IQCF1: variants seen among roughly 807,000 people sequenced by gnomAD.
The protein encoded by IQCF1 is IQ motif containing F1.
In IQCF1, 9 loss-of-function variants were observed where a neutral mutation model predicts 12.5. The ratio of observed to expected loss-of-function variants is 0.72; its 90% CI spans 0.43 to 1.26. IQCF1 has a LOEUF of 1.26. IQCF1 is among the 50% of genes most tolerant of loss of function. IQCF1 has a pLI of 0.00. For missense variants in IQCF1, 252 were observed against 257.4 expected (o/e 0.98, Z 0.14); for synonymous variants, 67 against 96.2 (o/e 0.70, Z 1.78).
rs1698995955 is a variant in IQCF1 at position 51,895,759 on chromosome 3, C to T, written c.172-423G>A. Among the ~76,000 whole-genome samples, 1 of 152,192 alleles carries T rather than the reference C, an allele frequency of 6.6e-6. No homozygotes were observed. ...GGCCCTGCCTTCTCATCCCTGACAA[C>T]CGTTCATAGCCACAGCCTGTTCTCT... On this transcript the variant is annotated intron_variant, in intron 3 of 3. Coordinates refer to ENST00000310914, the MANE Select transcript of IQCF1 (RefSeq NM_152397.3). The surrounding 1 kb of genome is among the most constrained non-coding windows in gnomAD (Gnocchi z 4.8).
Position 51,903,067 on chromosome 3 carries a change from G to T in IQCF1, c.26C>A (p.Thr9Lys), listed in dbSNP as rs145799557. Residue 9 changes from threonine to lysine, a missense_variant, in exon 2 of 4, where the codon ACG becomes AAG. Physicochemically the swap from Thr to Lys is moderately conservative, Grantham distance 78. Coordinates refer to ENST00000310914, the MANE Select transcript of IQCF1 (RefSeq NM_152397.3). ...CTCATCTTCTTTTGAGGGTTCCTTC[G>T]TCTTTTGGGGCTGCTTCTCCTCCTG... Reference protein sequence around the residue: MEEKQPQKTKEPSKEDEPQ... With the variant: MEEKQPQKKKEPSKEDEPQ... 2.5e-6 allele frequency: 4 copies of T among 1,613,942 alleles called. No homozygotes were observed. The highest frequency in any genetic ancestry group is 3.4e-6 in the Non-Finnish European group (4 of 1,180,014).
chr3:51,896,707 A>ACG (rs1699007660), intron 3 of IQCF1, 125 bp downstream of exon 3: 1 of 734,044 alleles, frequency 1.4e-6, no homozygotes, highest in Non-Finnish European at 2.5e-6. Flanking sequence ...ACACACACAC[A>ACG]CACACGCACA....
At chr3:51,901,818 C>G (rs1024251112) in intron 2 of IQCF1, among the ~76,000 whole-genome samples, 1 of 152,100 alleles carries the variant, frequency 6.6e-6, no homozygotes, top group Admixed American at 6.5e-5. Flanking sequence ...CAACCAACAG[C>G]GATTTATTAA....
intron 3 of IQCF1, among the ~76,000 whole-genome samples, chr3:51,896,278 G>C (rs983857235): frequency 8.5e-5 from 13 of 152,178 alleles, no homozygotes; most frequent in Non-Finnish European, 1.8e-4. Flanking sequence ...TCAGTCAAAA[G>C]ATGTATAAAT....
In IQCF1 at chr3:51,902,713, G is replaced by A. The variant is rs557320217; in HGVS notation, c.108+272C>T. On this transcript the variant is annotated intron_variant, in intron 2 of 3. Coordinates refer to ENST00000310914, the MANE Select transcript of IQCF1 (RefSeq NM_152397.3). ...GTGTGGTCTAACCCTAGCCAATAGG[G>A]GAATGACACAGCAGCAGGGGCCACG... The A allele has an allele frequency of 4.7e-5, 19 of 408,022 alleles. No homozygotes were observed. The East Asian group carries it at 1.1e-3, about 23-fold the overall frequency. 25.3% of individuals were successfully genotyped at this position (408,022 alleles called of 1,614,324 possible). A position where few individuals can be genotyped will look rare whatever the true frequency, so the allele number is the denominator to read the frequency against.
rs1324648723 is a variant in IQCF1 at position 51,895,242 on chromosome 3, AACAGTGCCCG to A, written c.256_265del (p.Arg86CysfsTer16). On this transcript the variant is annotated frameshift_variant, in exon 4 of 4. Transcript: ENST00000310914. LOFTEE classifies it low-confidence loss of function (END_TRUNC). This position sits in a 1 kb window ranked among gnomAD's most constrained non-coding sequence, Gnocchi z 4.8. ...GATGCAGGCACTGAGGGCTGCGTGC[AACAGTGCCCG>A]ACGCACCAGGGTGCCCCGCCACCAG... is the stretch of plus-strand genomic sequence containing the variant. 6.2e-7 allele frequency: 1 copy of A among 1,614,152 alleles called. No individual in the cohort carries two copies.
chr3:51,901,731 A>G (rs1699077804), intron 2 of IQCF1, among the ~76,000 whole-genome samples: 1 of 152,266 alleles, frequency 6.6e-6, no homozygotes, highest in African/African-American at 2.4e-5. Flanking sequence ...CTAAAATCAA[A>G]TAGCTGCAGG....
chr3:51,895,298 CG>C lies in IQCF1; in HGVS notation c.209del (p.Thr70ArgfsTer2). Reference protein sequence around the residue: ...ENQKKLSDKDTVATKIQAWWR... With the variant: ...ENQKKLSDKDXVATKIQAWWR... Reference sequence around the variant, plus strand: ...ACCAGGCCTGGATCTTGGTGGCTACCGTATCTTTGTCAGAGAGCTTCTTTTG... The same window carrying C: ...ACCAGGCCTGGATCTTGGTGGCTACCTATCTTTGTCAGAGAGCTTCTTTTG... On this transcript the variant is annotated frameshift_variant, in exon 4 of 4. Transcript: ENST00000310914. LOFTEE classifies it low-confidence loss of function (END_TRUNC). This position sits in a 1 kb window ranked among gnomAD's most constrained non-coding sequence, Gnocchi z 4.8. 1 of 1,613,336 alleles carries C rather than the reference CG, an allele frequency of 6.2e-7. No homozygotes were observed. Among genetic ancestry groups the C allele is most frequent in the Non-Finnish European group, 8.5e-7 (1 of 1,179,672 alleles).
intron 2 of IQCF1, among the ~76,000 whole-genome samples, chr3:51,898,228 G>C (rs1699034557): frequency 7.2e-6 from 1 of 138,956 alleles, no homozygotes; most frequent in Admixed American, 7.7e-5. Flanking sequence ...AAGAGAGAGA[G>C]AAAGAGACAG....
At chr3:51,898,833 T>C (rs1699043867) in intron 2 of IQCF1, among the ~76,000 whole-genome samples, 1 of 152,058 alleles carries the variant, frequency 6.6e-6, no homozygotes, top group African/African-American at 2.4e-5. Context: ...TCCCGGGTGA[T>C]TGAGGGAAAA....
intron 2 of IQCF1, among the ~76,000 whole-genome samples, chr3:51,898,325 G>A (rs1330571448): frequency 6.6e-6 from 1 of 152,198 alleles, no homozygotes; most frequent in Non-Finnish European, 1.5e-5. Flanking sequence ...TTAAAAGTCA[G>A]GGTAAATTTA....
intron 2 of IQCF1, among the ~76,000 whole-genome samples, chr3:51,902,072 G>T (rs1288874306): frequency 6.6e-6 from 1 of 152,146 alleles, no homozygotes; most frequent in Non-Finnish European, 1.5e-5. Context: ...GGTTAAATGA[G>T]CCCTTTACAG....
intron 2 of IQCF1, among the ~76,000 whole-genome samples, chr3:51,897,575 G>A (rs577523532): frequency 2.0e-5 from 3 of 152,272 alleles, no homozygotes; most frequent in Admixed American, 2.0e-4. Flanking sequence ...ATAACGCAAC[G>A]CGAGCTCTCA....
At position 51,895,619 on chromosome 3, in the gene IQCF1, C is replaced by G. The variant is rs1213349450; in HGVS notation, c.172-283G>C. ...CTACCTCACCCAGTTTTCCATGGAC[C>G]TTGTTGACCAGCAAGAACACTGTGA... On this transcript the variant is annotated intron_variant, in intron 3 of 3. Coordinates refer to ENST00000310914, the MANE Select transcript of IQCF1 (RefSeq NM_152397.3). This position sits in a 1 kb window ranked among gnomAD's most constrained non-coding sequence, Gnocchi z 4.8. Among the ~76,000 whole-genome samples, 1 of 152,202 alleles carries G rather than the reference C, an allele frequency of 6.6e-6. No individual in the cohort carries two copies. Among genetic ancestry groups the G allele is most frequent in the African/African-American group, 2.4e-5 (1 of 41,458 alleles).
intron 2 of IQCF1, among the ~76,000 whole-genome samples, chr3:51,898,861 A>G (rs1699044245): frequency 6.6e-6 from 1 of 152,258 alleles, no homozygotes; most frequent in African/African-American, 2.4e-5. Flanking sequence ...ATGGGTATTC[A>G]GTAAGTGATA....
At chr3:51,898,255 TCA>T (rs1699035037) in intron 2 of IQCF1, among the ~76,000 whole-genome samples, 1 of 10,820 alleles carries the variant, frequency 9.2e-5, no homozygotes, top group East Asian at 3.1e-3. Context: ...AAAGAGGGAG[TCA>T]GAGAGAGAGA....
chr3:51,899,189 C>T (rs553749301), intron 2 of IQCF1, among the ~76,000 whole-genome samples: 57 of 147,002 alleles, frequency 3.9e-4, no homozygotes, highest in African/African-American at 1.3e-3. Flanking sequence ...TTATCATCTT[C>T]GAGGAAAAAA....
chr3:51,902,462 T>TTG (rs1367630350), intron 2 of IQCF1, among the ~76,000 whole-genome samples: 1 of 152,218 alleles, frequency 6.6e-6, no homozygotes, highest in Non-Finnish European at 1.5e-5. Flanking sequence ...CTTAACTTCC[T>TTG]TGTAAAGCAA....
chr3:51,895,468 C>T lies in IQCF1; in HGVS notation c.172-132G>A. ...TGGAATTCAGGAGCACTGGGCAGGG[C>T]ACTGGCTGGAACCAGAAGATCAGGT... On this transcript the variant is annotated intron_variant, in intron 3 of 3. Coordinates refer to ENST00000310914, the MANE Select transcript of IQCF1 (RefSeq NM_152397.3). This position sits in a 1 kb window ranked among gnomAD's most constrained non-coding sequence, Gnocchi z 4.8. 1 of 781,332 alleles carries T rather than the reference C, an allele frequency of 1.3e-6. No homozygotes were observed. Among genetic ancestry groups the T allele is most frequent in the South Asian group, 1.9e-5 (1 of 53,330 alleles). The allele number at this position is 781,332 out of a possible 1,614,324, so 48.4% of individuals were successfully genotyped here.
Sources: gnomAD v4.1 joint callset for allele counts (sites outside exome capture counted in the v4.1 genomes callset) on GRCh38, gnomAD v4.1.1 for gene constraint, Gnocchi (gnomAD v3.1) non-coding constraint, MANE v1.5 for transcripts, NCBI Gene and HGNC (gene_info 2026-07-23, HGNC 2026-07-21) for gene names.